TOP3B: variants seen among roughly 807,000 people sequenced by gnomAD.
TOP3B encodes DNA topoisomerase 3-beta-1.
In TOP3B, 45 loss-of-function variants were observed where a neutral mutation model predicts 93.9. The observed-to-expected ratio is 0.48, with a 90% CI of 0.38 to 0.61. The LOEUF is 0.61. TOP3B is among the 20% of genes least tolerant of loss of function. The pLI is 0.00. For missense variants in TOP3B, 750 were observed against 1,156.1 expected (o/e 0.65, Z 5.09); for synonymous variants, 357 against 472.6 (o/e 0.76, Z 3.17).
chr22:21,961,055 CAGTCAGAG>C (rs1400680978), intron 13 of TOP3B: 1 of 154,040 alleles, frequency 6.5e-6, no homozygotes, highest in Non-Finnish European at 1.4e-5. Context: ...TGGCGGGTGC[CAGTCAGAG>C]GGGCAGAAAG....
At position 21,971,189 on chromosome 22, in the gene TOP3B, G is replaced by A. The variant is rs933708341; in HGVS notation, c.384+688C>T. 5.5e-6 allele frequency: 3 copies of A among 542,190 alleles called. No homozygotes were observed. Among genetic ancestry groups the A allele is most frequent in the African/African-American group, 4.0e-5 (2 of 50,004 alleles). 33.6% of individuals were successfully genotyped at this position (542,190 alleles called of 1,614,324 possible). ...GAGACAGAGTGTGATCGCATTTGCT[G>A]AGGGTGCTGTACTGCAACGCCAGGT... On this transcript the variant is annotated intron_variant, in intron 5 of 17. Transcript: ENST00000357179. The surrounding 1 kb of genome is among the most constrained non-coding windows in gnomAD (Gnocchi z 4.6).
At chr22:21,980,829 C>T (rs895394099) in intron 1 of TOP3B, among the ~76,000 whole-genome samples, 1 of 152,254 alleles carries the variant, frequency 6.6e-6, no homozygotes, top group Non-Finnish European at 1.5e-5. Flanking sequence ...CGTCAGCAGT[C>T]TGTCTCTCCC....
Position 21,959,373 on chromosome 22 carries a change from G to C in TOP3B, c.1805-141C>G, listed in dbSNP as rs2071068087. On this transcript the variant is annotated intron_variant, in intron 15 of 17. Coordinates refer to ENST00000357179, the MANE Select transcript of TOP3B (RefSeq NM_001282112.2). ...GTCCTGGCAGCACGGCAGGGCAGCA[G>C]CCCTGTGCGTCAGAGGCACGTGTTC... is the stretch of plus-strand genomic sequence containing the variant. 4.7e-5 allele frequency: 70 copies of C among 1,491,690 alleles called. 1 individual carries two copies. In the South Asian group the frequency reaches 8.8e-4, roughly 19 times the overall value. The allele number at this position is 1,491,690 out of a possible 1,614,324, so 92.4% of individuals were successfully genotyped here.
Position 21,971,741 on chromosome 22 carries a change from G to T in TOP3B, c.384+136C>A. 1.3e-6 allele frequency: 1 copy of T among 753,552 alleles called. No individual in the cohort carries two copies. Among genetic ancestry groups the T allele is most frequent in the Non-Finnish European group, 2.4e-6 (1 of 421,192 alleles). 46.7% of individuals were successfully genotyped at this position (753,552 alleles called of 1,614,324 possible). A position where few individuals can be genotyped will look rare whatever the true frequency, so the allele number is the denominator to read the frequency against. On this transcript the variant is annotated intron_variant, in intron 5 of 17. Coordinates refer to ENST00000357179, the MANE Select transcript of TOP3B (RefSeq NM_001282112.2). This position sits in a 1 kb window ranked among gnomAD's most constrained non-coding sequence, Gnocchi z 4.6. ...TCTGTGGAGTTTCAGAATAAAGGGA[G>T]GGGAGAGGTGTTTTTAAACCGGTAC...
chr22:21,968,949 G>A, intron 6 of TOP3B, 174 bp from the exon 7 acceptor site: 1 of 638,642 alleles, frequency 1.6e-6, no homozygotes. Flanking sequence ...GAGGATTCAT[G>A]TGTGTACATG....
Position 21,967,719 on chromosome 22 carries a change from G to T in TOP3B, c.739-3C>A, listed in dbSNP as rs758459962. 4 of 1,609,704 alleles carry T rather than the reference G, an allele frequency of 2.5e-6. No individual in the cohort carries two copies. Among genetic ancestry groups the T allele is most frequent in the African/African-American group, 1.3e-5 (1 of 74,832 alleles). On this transcript the variant is annotated splice_polypyrimidine_tract_variant and splice_region_variant and intron_variant, in intron 7 of 17. Coordinates refer to ENST00000357179, the MANE Select transcript of TOP3B (RefSeq NM_001282112.2). The stretch of plus-strand genomic sequence containing the variant: ...GATCTGTCTTTGTCAGTGTTAACCT[G>T]CAGGAAAAAGGATAAAGGGTGAACG...
At chr22:21,958,913 TGGTGTTA>T in intron 16 of TOP3B, 1 of 1,041,282 alleles carries the variant, frequency 9.6e-7, no homozygotes, top group Non-Finnish European at 1.4e-6. Flanking sequence ...GCAAGTGGCA[TGGTGTTA>T]GGGAAAAATG....
intron 17 of TOP3B, chr22:21,958,040 G>C (rs760281903): frequency 1.5e-6 from 2 of 1,308,886 alleles, no homozygotes; most frequent in South Asian, 2.5e-5. Context: ...GGTGAATGTG[G>C]GCAGATGCCT....
intron 1 of TOP3B, chr22:21,977,767 C>G (rs2071941205): frequency 6.6e-6 from 1 of 152,164 alleles, no homozygotes; most frequent in African/African-American, 2.4e-5. Flanking sequence ...GAGTGCACAT[C>G]CCAGCAATTC....
chr22:21,959,411 G>A (rs546332224), intron 15 of TOP3B, 176 bp downstream of exon 15: 2 of 1,488,294 alleles, frequency 1.3e-6, no homozygotes, highest in African/African-American at 1.4e-5. Flanking sequence ...GGCCATGTGT[G>A]GTGTTAATGC....
chr22:21,963,344 GA>G lies in TOP3B; in HGVS notation c.1205-452del, dbSNP rs11400717. 175 of 151,586 alleles carry G rather than the reference GA, an allele frequency of 1.2e-3. No individual in the cohort carries two copies. The highest frequency in any genetic ancestry group is 5.5e-3 in the South Asian group (29 of 5,314). 9.4% of individuals were successfully genotyped at this position (151,586 alleles called of 1,614,324 possible). On this transcript the variant is annotated intron_variant, in intron 11 of 17. Transcript: ENST00000357179. This position sits in a 1 kb window ranked among gnomAD's most constrained non-coding sequence, Gnocchi z 4.8. ...AGAACAAGACTCTGTCTCAAAAAAAGAAAAAAAAAAAGCAAATGCGGAGGAA... is the reference window on the plus strand; with the variant it reads ...AGAACAAGACTCTGTCTCAAAAAAAGAAAAAAAAAAGCAAATGCGGAGGAA...
intron 3 of TOP3B, 80 bp downstream of exon 3, chr22:21,974,277 G>T: frequency 6.5e-7 from 1 of 1,527,874 alleles, no homozygotes; most frequent in South Asian, 1.2e-5. Context: ...CCTGCCTAGA[G>T]GCATCTCCTG....
chr22:21,973,006 C>A (rs1021424569), intron 3 of TOP3B: 8 of 433,972 alleles, frequency 1.8e-5, no homozygotes, highest in African/African-American at 1.6e-4. Context: ...TCTGGCCTCA[C>A]TTCCGGGACT....
In TOP3B at chr22:21,963,288, G is replaced by C. The variant is rs377286394; in HGVS notation, c.1205-395C>G. ...GGAGGCAGAGGTTGCAGTGAGCCGA[G>C]ATCGGGCCACTGCACTCCAGCCTGG... On this transcript the variant is annotated intron_variant, in intron 11 of 17. Coordinates refer to ENST00000357179, the MANE Select transcript of TOP3B (RefSeq NM_001282112.2). This position sits in a 1 kb window ranked among gnomAD's most constrained non-coding sequence, Gnocchi z 4.8. 1.1e-5 allele frequency: 2 copies of C among 186,498 alleles called. No individual in the cohort carries two copies. The highest frequency in any genetic ancestry group is 1.0e-4 in the South Asian group (1 of 9,830). 11.6% of individuals were successfully genotyped at this position (186,498 alleles called of 1,614,324 possible).
chr22:21,980,118 CAT>C (rs1162745473), intron 1 of TOP3B, among the ~76,000 whole-genome samples: 9 of 152,172 alleles, frequency 5.9e-5, no homozygotes, highest in East Asian at 3.9e-4. Flanking sequence ...TGTGATCACA[CAT>C]ATGTGTGCAC....
chr22:21,962,966 G>T, intron 11 of TOP3B, 73 bp from the exon 12 acceptor site: 1 of 1,556,630 alleles, frequency 6.4e-7, no homozygotes, highest in Non-Finnish European at 8.8e-7. Flanking sequence ...CAGTACTCTC[G>T]CTCGAGCAGC....
chr22:21,965,036 G>A (rs1601829155), intron 9 of TOP3B: 1 of 370,570 alleles, frequency 2.7e-6, no homozygotes, highest in East Asian at 4.0e-5. Flanking sequence ...CTGGTTCCCT[G>A]AAGGTGACAT....
rs2071083927 is a variant in TOP3B at position 21,959,701 on chromosome 22, C to T, written c.1690G>A (p.Val564Met). Residue 564 changes from valine to methionine, a missense_variant, in exon 15 of 18, where the codon GTG (valine) becomes ATG (methionine). Val to Met is a conservative substitution (Grantham distance 21, BLOSUM62 1). Around this residue, in one of 4 missense-constraint regions of TOP3B, gnomAD observed 737 missense variants for 933.7 expected, o/e 0.79. Coordinates refer to ENST00000357179, the MANE Select transcript of TOP3B (RefSeq NM_001282112.2). The part of the protein sequence containing the change: ...ELVLPTIRSA[V>M]EKQLNLIAQG... ...GCGATCAGGTTCAGCTGCTTCTCCA[C>T]TGCACTGCGGATGGTGGGGAGCACC... The T allele has an allele frequency of 1.2e-6, 2 of 1,613,422 alleles. No homozygotes were observed. The highest frequency in any genetic ancestry group is 1.1e-5 in the South Asian group (1 of 91,086).
chr22:21,976,520 G>T (rs950267391), intron 1 of TOP3B: 2 of 152,224 alleles, frequency 1.3e-5, no homozygotes, highest in African/African-American at 4.8e-5. Flanking sequence ...GCCAGGCCTG[G>T]AGGATGCAGC....
Sources: allele counts gnomAD v4.1 joint callset (sites outside exome capture counted in the v4.1 genomes callset), GRCh38; gene constraint gnomAD v4.1.1; regional missense constraint gnomAD v4.1.1; non-coding constraint Gnocchi (gnomAD v3.1); transcripts MANE v1.5; gene names NCBI Gene and HGNC (gene_info 2026-07-23, HGNC 2026-07-21).